Variants in ELMO1 observed in about 807,000 individuals in gnomAD.
ELMO1 encodes the protein engulfment and cell motility 1.
In ELMO1, 26 loss-of-function variants were observed where a neutral mutation model predicts 98.9. That is an observed-to-expected ratio of 0.26 (90% CI 0.19 to 0.36). ELMO1 has a LOEUF of 0.36. Ranked by LOEUF, ELMO1 falls within the 10% of genes least tolerant of loss-of-function variation. ELMO1 has a pLI of 1.00. For synonymous variants in ELMO1, 346 were observed against 346.0 expected (o/e 1.00, Z 0.00); for missense variants, 627 against 935.2 (o/e 0.67, Z 4.30).
intron 1 of ELMO1, among the ~76,000 whole-genome samples, chr7:37,386,529 G>C (rs370784807): frequency 6.6e-6 from 1 of 152,236 alleles, no homozygotes; most frequent in East Asian, 1.9e-4. Flanking sequence ...CCACAGGAGA[G>C]AGCAGCTAAA....
intron 15 of ELMO1, among the ~76,000 whole-genome samples, chr7:37,044,930 T>C (rs940459086): frequency 6.6e-6 from 1 of 152,266 alleles, no homozygotes; most frequent in African/African-American, 2.4e-5. Context: ...TATTTATTTT[T>C]TAATTTCCAC....
At chr7:37,311,456 G>T (rs1798885494) in intron 4 of ELMO1, among the ~76,000 whole-genome samples, 1 of 152,088 alleles carries the variant, frequency 6.6e-6, no homozygotes, top group Non-Finnish European at 1.5e-5. Context: ...TGAGTCACTG[G>T]TTACCATGGT....
At chr7:37,365,728 T>G (rs1365775616) in intron 1 of ELMO1, among the ~76,000 whole-genome samples, 1 of 152,248 alleles carries the variant, frequency 6.6e-6, no homozygotes, top group African/African-American at 2.4e-5. Context: ...CTTTCCTGAA[T>G]AGTAGGTTCC....
intron 20 of ELMO1, among the ~76,000 whole-genome samples, chr7:36,864,699 C>T (rs1245757880): frequency 6.6e-6 from 1 of 152,254 alleles, no homozygotes; most frequent in Non-Finnish European, 1.5e-5. Flanking sequence ...TAGACTGTCA[C>T]TGATCTGTGC....
intron 13 of ELMO1, among the ~76,000 whole-genome samples, chr7:37,142,320 C>A (rs1157921373): frequency 6.6e-6 from 1 of 152,220 alleles, no homozygotes; most frequent in Non-Finnish European, 1.5e-5. Flanking sequence ...ACATTGGATT[C>A]TCATGAACAC....
intron 16 of ELMO1, among the ~76,000 whole-genome samples, chr7:37,008,740 G>T (rs1022374260): frequency 4.6e-5 from 7 of 152,080 alleles, no homozygotes; most frequent in African/African-American, 1.7e-4. Flanking sequence ...GCAGATCCAG[G>T]ATGAAAACCT....
chr7:37,447,982 AG>A (rs1192287332), intron 1 of ELMO1, among the ~76,000 whole-genome samples: 1 of 150,980 alleles, frequency 6.6e-6, no homozygotes, highest in Non-Finnish European at 1.5e-5. Flanking sequence ...AGCTCCACAA[AG>A]CTCCCCGCCG....
intron 4 of ELMO1, among the ~76,000 whole-genome samples, chr7:37,274,222 C>G (rs1196002935): frequency 1.3e-5 from 2 of 152,202 alleles, no homozygotes; most frequent in African/African-American, 2.4e-5. Flanking sequence ...TTCTATGACT[C>G]TGTGAGAAAT....
chr7:37,080,374 T>G (rs1797799570), intron 15 of ELMO1, among the ~76,000 whole-genome samples: 1 of 151,664 alleles, frequency 6.6e-6, no homozygotes, highest in African/African-American at 2.4e-5. Flanking sequence ...CTACGTAGAG[T>G]AAAAGCCAAA....
At chr7:36,922,436 C>G (rs1427271125) in intron 16 of ELMO1, among the ~76,000 whole-genome samples, 1 of 140,936 alleles carries the variant, frequency 7.1e-6, no homozygotes, top group Non-Finnish European at 1.5e-5. Context: ...TTTATTTATT[C>G]TTGGCTTTTG....
At chr7:37,204,625 CCTT>C (rs1166974080) in intron 13 of ELMO1, among the ~76,000 whole-genome samples, 1 of 152,118 alleles carries the variant, frequency 6.6e-6, no homozygotes, top group Non-Finnish European at 1.5e-5. Flanking sequence ...CTTTTTTTTC[CCTT>C]CTTTGGCCCC....
In ELMO1 at chr7:37,122,734, A is replaced by G. The variant is rs534343862; in HGVS notation, c.1191+10396T>C. ...AACATTAGACAGATCAATGAGACAG[A>G]AAGTTAATAAGGATATCCAGGAATT... On this transcript the variant is annotated intron_variant, in intron 14 of 21. Transcript: ENST00000310758. 9.2e-5 allele frequency among the ~76,000 whole-genome samples: 14 copies of G among 152,300 alleles called. 1 individual carries two copies. The highest frequency in any genetic ancestry group is 9.1e-4 in the Admixed American group (14 of 15,304).
chr7:37,279,677 C>T (rs2130896197), intron 4 of ELMO1, among the ~76,000 whole-genome samples: 1 of 152,304 alleles, frequency 6.6e-6, no homozygotes, highest in South Asian at 2.1e-4. Context: ...CAGAAAGGTC[C>T]TGGGAGCTCG....
intron 1 of ELMO1, among the ~76,000 whole-genome samples, chr7:37,421,533 G>A (rs1804472929): frequency 6.6e-6 from 1 of 152,200 alleles, no homozygotes; most frequent in Admixed American, 6.5e-5. Flanking sequence ...ATCTTTCCCT[G>A]TGAGGATAGT....
chr7:36,994,862 G>C (rs990402950), intron 16 of ELMO1, among the ~76,000 whole-genome samples: 3 of 152,180 alleles, frequency 2.0e-5, no homozygotes, highest in Non-Finnish European at 4.4e-5. Flanking sequence ...TCAACTTCAG[G>C]CTAAGATGCT....
At chr7:37,317,842 C>A (rs1441316242) in intron 2 of ELMO1, among the ~76,000 whole-genome samples, 2 of 152,124 alleles carry the variant, frequency 1.3e-5, no homozygotes, top group African/African-American at 4.8e-5. Context: ...TTGTTTGTAA[C>A]ACAAAGGATA....
chr7:37,428,933 T>C (rs1017024813), intron 1 of ELMO1, among the ~76,000 whole-genome samples: 11 of 152,218 alleles, frequency 7.2e-5, no homozygotes, highest in Admixed American at 2.6e-4. Flanking sequence ...GAACTCCATG[T>C]GTGGGAGAAT....
chr7:37,375,191 A>G (rs571854123), intron 1 of ELMO1, among the ~76,000 whole-genome samples: 1 of 152,374 alleles, frequency 6.6e-6, no homozygotes, highest in East Asian at 1.9e-4. Flanking sequence ...AGGCATAATC[A>G]TATTGTAGCA....
chr7:37,232,222 A>T (rs530869820), intron 8 of ELMO1, among the ~76,000 whole-genome samples: 1 of 152,342 alleles, frequency 6.6e-6, no homozygotes, highest in South Asian at 2.1e-4. Context: ...TCTGGCTTGC[A>T]CAGATTCACT....
Sources: gnomAD v4.1 joint callset for allele counts (sites outside exome capture counted in the v4.1 genomes callset) on GRCh38, gnomAD v4.1.1 for gene constraint, MANE v1.5 for transcripts, NCBI Gene and HGNC (gene_info 2026-07-23, HGNC 2026-07-21) for gene names.